PRUNE2: variants seen among roughly 807,000 people sequenced by gnomAD.
PRUNE2 encodes the protein prune homolog 2 with BCH domain, also known as protein prune homolog 2.
A neutral mutation model predicts 252.0 loss-of-function variants in PRUNE2; 164 were observed. The ratio of observed to expected loss-of-function variants is 0.65; its 90% CI spans 0.57 to 0.74. The LOEUF (loss-of-function observed/expected upper bound fraction) is 0.74, where lower values mean the gene tolerates loss of function less well. PRUNE2 is among the 30% of genes least tolerant of loss of function. The pLI, the probability that PRUNE2 is intolerant of heterozygous loss-of-function variation, is 0.00. For synonymous variants in PRUNE2, 1,292 were observed against 1,350.2 expected, an observed-to-expected ratio of 0.96 and a Z score of 0.94; for missense variants, 3,495 against 3,711.0, an observed-to-expected ratio of 0.94 and a Z score of 1.51.
At chr9:76,687,032 C>T (rs1439836818) in intron 9 of PRUNE2, among the ~76,000 whole-genome samples, 1 of 152,214 alleles carries the variant, frequency 6.6e-6, no homozygotes, top group Non-Finnish European at 1.5e-5. Flanking sequence ...TGAGCCACCG[C>T]ACCCAGCCCA....
intron 6 of PRUNE2, among the ~76,000 whole-genome samples, chr9:76,779,172 A>C (rs545736232): frequency 1.1e-4 from 17 of 152,338 alleles, no homozygotes; most frequent in Admixed American, 3.3e-4. Context: ...TGTTCACAGG[A>C]AATGCTTTAA....
At chr9:76,814,434 A>G (rs2057551046) in intron 6 of PRUNE2, among the ~76,000 whole-genome samples, 2 of 152,194 alleles carry the variant, frequency 1.3e-5, no homozygotes, top group Non-Finnish European at 2.9e-5. Flanking sequence ...TTCCCAGTTG[A>G]CAACCATCTG....
chr9:76,690,841 G>A (rs1382715661), intron 9 of PRUNE2, among the ~76,000 whole-genome samples: 1 of 152,078 alleles, frequency 6.6e-6, no homozygotes, highest in East Asian at 1.9e-4. Flanking sequence ...GGGGAACAAG[G>A]TCCACACCAT....
intron 1 of PRUNE2, chr9:76,856,382 T>C (rs2060251574): frequency 6.6e-6 from 1 of 152,198 alleles, no homozygotes; most frequent in African/African-American, 2.4e-5. Context: ...ATTTGCTTCT[T>C]GTCTAGGCTT....
At chr9:76,753,871 T>C (rs950845411) in intron 6 of PRUNE2, among the ~76,000 whole-genome samples, 4 of 119,020 alleles carry the variant, frequency 3.4e-5, no homozygotes, top group Admixed American at 2.0e-4. Flanking sequence ...TGAGCTGAGA[T>C]TGAGCCACTG....
intron 8 of PRUNE2, 98 bp downstream of exon 8, chr9:76,704,663 C>G (rs373381943): frequency 7.3e-5 from 64 of 878,282 alleles, no homozygotes; most frequent in Non-Finnish European, 8.7e-6. Context: ...TTAGTTTTCT[C>G]TCTACCCTCA....
intron 1 of PRUNE2, among the ~76,000 whole-genome samples, chr9:76,857,353 A>G (rs987219216): frequency 1.3e-5 from 2 of 152,038 alleles, no homozygotes; most frequent in African/African-American, 4.8e-5. Context: ...ATATGCTCTC[A>G]TTGTAAAGAG....
intron 1 of PRUNE2, among the ~76,000 whole-genome samples, chr9:76,897,384 A>C (rs550240165): frequency 7.3e-6 from 1 of 136,816 alleles, no homozygotes; most frequent in African/African-American, 2.7e-5. Context: ...AACCTTAGGC[A>C]AACCTCTTTT....
chr9:76,619,413 C>G (rs781563662), intron 17 of PRUNE2, 26 bp from the exon 18 acceptor site: 2 of 1,564,508 alleles, frequency 1.3e-6, no homozygotes, highest in East Asian at 4.5e-5. Context: ...AAATAGGAAG[C>G]AGTCAACATT....
In PRUNE2 at chr9:76,709,899, G is replaced by C. The variant is rs1222530435; in HGVS notation, c.2375C>G (p.Ala792Gly). The C allele has an allele frequency of 1.2e-6, 2 of 1,613,736 alleles. No individual in the cohort carries two copies. The highest frequency in any genetic ancestry group is 1.7e-6 in the Non-Finnish European group (2 of 1,179,840). Reference sequence around the variant, plus strand: ...CCAGGCTGGGAATGGCGCCACAGCTGCTGGTTCACCATCATCTGTAGGATT... The same window carrying C: ...CCAGGCTGGGAATGGCGCCACAGCTCCTGGTTCACCATCATCTGTAGGATT... ...WGNPTDDGEP[A>G]AVAPFPAWSA... The change falls in exon 8 of 19, where the codon GCA becomes GGA. Residue 792 changes from alanine to glycine, a missense_variant. Physicochemically the swap from Ala to Gly is moderately conservative, Grantham distance 60. Transcript: ENST00000376718.
chr9:76,686,448 GTTTTTA>G (rs897873081), intron 9 of PRUNE2, among the ~76,000 whole-genome samples: 2 of 152,064 alleles, frequency 1.3e-5, no homozygotes, highest in African/African-American at 4.8e-5. Context: ...GAGCTCTTTT[GTTTTTA>G]TTTTTGTTTT....
chr9:76,843,584 C>T (rs1373729740), intron 4 of PRUNE2, among the ~76,000 whole-genome samples: 3 of 152,026 alleles, frequency 2.0e-5, no homozygotes, highest in Non-Finnish European at 2.9e-5. Flanking sequence ...GAGAACTGCC[C>T]ATATTATGAA....
chr9:76,869,802 T>C (rs993265403), intron 1 of PRUNE2, among the ~76,000 whole-genome samples: 3 of 152,236 alleles, frequency 2.0e-5, no homozygotes, highest in African/African-American at 7.2e-5. Context: ...TGATTCTAAG[T>C]AGTAAATAAC....
intron 6 of PRUNE2, among the ~76,000 whole-genome samples, chr9:76,716,600 T>G (rs537336382): frequency 6.6e-6 from 1 of 152,220 alleles, no homozygotes; most frequent in African/African-American, 2.4e-5. Context: ...ATTTAGCAGG[T>G]TGGGCACTGG....
chr9:76,768,342 G>A (rs138394391), intron 6 of PRUNE2, among the ~76,000 whole-genome samples: 2,567 of 152,136 alleles, frequency 0.017, 60 homozygotes, highest in African/African-American at 0.052. Context: ...ACAGGCCTGC[G>A]CCACTGTGCC....
At position 76,644,733 on chromosome 9, in the gene PRUNE2, G is replaced by C. The variant is rs778493662; in HGVS notation, c.8728+6C>G. ...CATTTCCCAGATTCATGCTGAGCTC[G>C]ACTACCTCCGTGAGAAATGACTCTC... On this transcript the variant is annotated splice_donor_region_variant and intron_variant, in intron 12 of 18. Transcript: ENST00000376718. The C allele has an allele frequency of 3.1e-6, 5 of 1,612,948 alleles. No homozygotes were observed. The East Asian group carries it at 8.9e-5, about 29-fold the overall frequency.
intron 9 of PRUNE2, among the ~76,000 whole-genome samples, chr9:76,698,736 G>A (rs1463407241): frequency 6.6e-6 from 1 of 151,942 alleles, no homozygotes; most frequent in Non-Finnish European, 1.5e-5. Flanking sequence ...CTGACTTCAC[G>A]AAAAACAAAA....
Position 76,795,150 on chromosome 9 carries a change from C to T in PRUNE2, c.756+28482G>A, listed in dbSNP as rs912259647. On this transcript the variant is annotated intron_variant, in intron 6 of 18. Transcript: ENST00000376718. ...TCGGATGCTGAGAGGAAGCTTTGGC[C>T]AATCTCCAGAATGAATATGCATGAA... Among the ~76,000 whole-genome samples, 8 of 152,182 alleles carry T rather than the reference C, an allele frequency of 5.3e-5. No homozygotes were observed. In the East Asian group the frequency reaches 1.5e-3, roughly 29 times the overall value.
chr9:76,880,071 G>C (rs1199653975), intron 1 of PRUNE2, among the ~76,000 whole-genome samples: 1 of 150,954 alleles, frequency 6.6e-6, no homozygotes, highest in Non-Finnish European at 1.5e-5. Flanking sequence ...GCGCCACCAC[G>C]CCCGGCTAAT....
Sources: allele counts gnomAD v4.1 joint callset (sites outside exome capture counted in the v4.1 genomes callset), GRCh38; gene constraint gnomAD v4.1.1; transcripts MANE v1.5; gene names NCBI Gene and HGNC (gene_info 2026-07-23, HGNC 2026-07-21).